Variants in MAPK10 observed in about 807,000 individuals in gnomAD.
The protein encoded by MAPK10 is JNK3 alpha protein kinase.
MAPK10 carries 25 observed loss-of-function variants against 59.3 expected under a neutral mutation model. The ratio of observed to expected loss-of-function variants is 0.42; its 90% confidence interval spans 0.31 to 0.59. The LOEUF is 0.59. Among genes scored for constraint, MAPK10 ranks in the 20% least tolerant of loss-of-function variants. MAPK10 has a pLI of 0.15. For missense variants in MAPK10, 351 were observed against 568.9 expected (o/e 0.62, Z 3.90); for synonymous variants, 190 against 200.5 (o/e 0.95, Z 0.44).
chr4:86,534,736 T>A (rs1400368684), intron 1 of MAPK10, among the ~76,000 whole-genome samples: 4 of 151,704 alleles, frequency 2.6e-5, no homozygotes, highest in African/African-American at 9.7e-5. Context: ...TGAAAATCCA[T>A]CTCTACTAAA....
chr4:86,526,700 A>T (rs1268685509), intron 1 of MAPK10, among the ~76,000 whole-genome samples: 1 of 152,100 alleles, frequency 6.6e-6, no homozygotes, highest in Non-Finnish European at 1.5e-5. Flanking sequence ...TAATGTAGAC[A>T]TTTAGTGTGA....
rs532419303 is a variant in MAPK10, at chr4:86,261,676, G to T, written c.-6-67269C>A. 3.0e-4 allele frequency among the ~76,000 whole-genome samples: 45 copies of T among 152,244 alleles called. 1 individual carries two copies. The highest frequency in any genetic ancestry group is 1.1e-3 in the African/African-American group (45 of 41,544). Reference sequence around the variant, plus strand: ...TAAATAAATGATAAATACCTGATAGGGATACTATAGCTTTAGACTTTTGTG... The same window carrying T: ...TAAATAAATGATAAATACCTGATAGTGATACTATAGCTTTAGACTTTTGTG... On this transcript the variant is annotated intron_variant, in intron 2 of 13. Coordinates refer to ENST00000641462, the MANE Select transcript of MAPK10 (RefSeq NM_138982.4).
intron 2 of MAPK10, among the ~76,000 whole-genome samples, chr4:86,280,989 G>A (rs2148797458): frequency 6.6e-6 from 1 of 151,962 alleles, no homozygotes; most frequent in Middle Eastern, 3.4e-3. Context: ...CCACCTATAG[G>A]GTACAATGCT....
chr4:86,037,194 G>A (rs1444104815), intron 11 of MAPK10, among the ~76,000 whole-genome samples: 4 of 152,130 alleles, frequency 2.6e-5, no homozygotes, highest in East Asian at 1.9e-4. Flanking sequence ...CTACTAAAGC[G>A]ATCTCTTTAA....
At chr4:86,270,385 T>C (rs929428527) in intron 2 of MAPK10, among the ~76,000 whole-genome samples, 1 of 152,062 alleles carries the variant, frequency 6.6e-6, no homozygotes, top group Non-Finnish European at 1.5e-5. Context: ...GCTATTTTTT[T>C]TAATTTCCTT....
chr4:86,464,393 C>T (rs1308965373), intron 1 of MAPK10, among the ~76,000 whole-genome samples: 1 of 152,154 alleles, frequency 6.6e-6, no homozygotes, highest in Non-Finnish European at 1.5e-5. Context: ...TTTTGATATG[C>T]CTATTAATGT....
chr4:86,118,203 G>A (rs2058592386), intron 4 of MAPK10, among the ~76,000 whole-genome samples: 1 of 152,122 alleles, frequency 6.6e-6, no homozygotes, highest in Non-Finnish European at 1.5e-5. Context: ...TCTGCAAATT[G>A]GCATCATTGA....
chr4:86,290,633 T>C (rs2095192668), intron 2 of MAPK10, among the ~76,000 whole-genome samples: 1 of 152,202 alleles, frequency 6.6e-6, no homozygotes, highest in Admixed American at 6.6e-5. Flanking sequence ...TGGGTCTCTT[T>C]TATTTGTTGT....
chr4:86,092,726 G>C (rs1482862878), intron 9 of MAPK10, among the ~76,000 whole-genome samples: 1 of 151,950 alleles, frequency 6.6e-6, no homozygotes, highest in African/African-American at 2.4e-5. Context: ...GAAGTAATTA[G>C]CAAATTCAAT....
At chr4:86,214,654 T>G (rs921056540) in intron 2 of MAPK10, among the ~76,000 whole-genome samples, 10 of 151,846 alleles carry the variant, frequency 6.6e-5, no homozygotes, top group African/African-American at 2.4e-4. Flanking sequence ...ATGAAAACAT[T>G]TCAAATTACA....
chr4:86,165,829 T>C (rs1581681076), intron 3 of MAPK10, among the ~76,000 whole-genome samples: 1 of 152,262 alleles, frequency 6.6e-6, no homozygotes, highest in Admixed American at 6.5e-5. Flanking sequence ...GAGGGTTACA[T>C]CCTGGAATCA....
At chr4:86,211,467 T>C (rs2085791634) in intron 2 of MAPK10, among the ~76,000 whole-genome samples, 1 of 151,984 alleles carries the variant, frequency 6.6e-6, no homozygotes, top group Non-Finnish European at 1.5e-5. Flanking sequence ...CAACCAAGAA[T>C]CTAATGTTTA....
chr4:86,279,656 C>T (rs1042081929), intron 2 of MAPK10, among the ~76,000 whole-genome samples: 5 of 152,114 alleles, frequency 3.3e-5, no homozygotes, highest in African/African-American at 1.2e-4. Flanking sequence ...TCCCTTTGCT[C>T]TCTTGCTGCA....
intron 1 of MAPK10, among the ~76,000 whole-genome samples, chr4:86,564,608 T>G (rs1426569038): frequency 6.6e-6 from 1 of 152,160 alleles, no homozygotes; most frequent in Non-Finnish European, 1.5e-5. Flanking sequence ...AATCCAATTC[T>G]TGCACTCTCC....
At position 86,479,409 on chromosome 4, in the gene MAPK10, C is replaced by T. The variant is rs193132638; in HGVS notation, c.-263+114501G>A. On this transcript the variant is annotated intron_variant, in intron 1 of 4. Transcript: ENST00000502302. Reference sequence around the variant, plus strand: ...CAGCCCATTTGAGCTCCTGTATAGACGCTCCTTTTTATTAGGCCCCAGTCT... The same window carrying T: ...CAGCCCATTTGAGCTCCTGTATAGATGCTCCTTTTTATTAGGCCCCAGTCT... Among the ~76,000 whole-genome samples, 1,163 of 151,844 alleles carry T rather than the reference C, an allele frequency of 7.7e-3. 11 individuals carry two copies. Among genetic ancestry groups the T allele is most frequent in the African/African-American group, 0.025 (1,022 of 41,372 alleles).
chr4:86,136,784 A>G (rs1349157679), intron 4 of MAPK10, among the ~76,000 whole-genome samples: 2 of 151,708 alleles, frequency 1.3e-5, no homozygotes, highest in Non-Finnish European at 2.9e-5. Flanking sequence ...TGTATTCAGG[A>G]AACCCATCTC....
intron 2 of MAPK10, among the ~76,000 whole-genome samples, chr4:86,199,100 A>G (rs945425817): frequency 6.6e-6 from 1 of 152,086 alleles, no homozygotes; most frequent in Non-Finnish European, 1.5e-5. Flanking sequence ...CAATTGGAAC[A>G]ACTAAATTTA....
chr4:86,375,997 T>C (rs1309312093), intron 1 of MAPK10, among the ~76,000 whole-genome samples: 1 of 152,204 alleles, frequency 6.6e-6, no homozygotes, highest in African/African-American at 2.4e-5. Context: ...CTTTAACATT[T>C]GTTTACCTAT....
At chr4:86,072,334 C>G (rs994673695) in intron 9 of MAPK10, among the ~76,000 whole-genome samples, 8 of 151,934 alleles carry the variant, frequency 5.3e-5, no homozygotes, top group East Asian at 1.9e-4. Flanking sequence ...CATGTCGTCT[C>G]CAAACAGGGA....
Sources: allele counts gnomAD v4.1 joint callset (sites outside exome capture counted in the v4.1 genomes callset), GRCh38; gene constraint gnomAD v4.1.1; transcripts MANE v1.5; gene names NCBI Gene and HGNC (gene_info 2026-07-23, HGNC 2026-07-21).